Variants in JMJD1C observed in about 807,000 individuals in gnomAD.
The protein encoded by JMJD1C is jumonji domain containing 1C.
JMJD1C carries 31 observed loss-of-function variants against 245.3 expected under a neutral mutation model. The ratio of observed to expected loss-of-function variants is 0.13; its 90% CI spans 0.09 to 0.17. The LOEUF (loss-of-function observed/expected upper bound fraction) is 0.17, where lower values mean the gene tolerates loss of function less well. Ranked by LOEUF, JMJD1C falls within the 10% of genes least tolerant of loss-of-function variation. JMJD1C has a pLI of 1.00. For synonymous variants in JMJD1C, 1,057 were observed against 1,017.4 expected (o/e 1.04, Z -0.74); for missense variants, 2,691 against 3,000.2 (o/e 0.90, Z 2.41).
At chr10:63,268,850 G>A (rs749446238) in intron 2 of JMJD1C, 11 of 985,622 alleles carry the variant, frequency 1.1e-5, no homozygotes, top group Admixed American at 1.2e-4. Context: ...CACTTGCAGC[G>A]GCGTCATTGT....
chr10:63,441,968 G>C (rs552590929), intron 1 of JMJD1C, among the ~76,000 whole-genome samples: 1 of 152,142 alleles, frequency 6.6e-6, no homozygotes, highest in African/African-American at 2.4e-5. Flanking sequence ...AAATATTCAA[G>C]AATATTTATA....
intron 1 of JMJD1C, among the ~76,000 whole-genome samples, chr10:63,450,047 G>A (rs906333773): frequency 1.3e-4 from 19 of 151,992 alleles, no homozygotes; most frequent in African/African-American, 2.9e-4. Context: ...CAGGAGGTCC[G>A]GGCTACAATG....
chr10:63,345,237 A>G (rs989316591), intron 2 of JMJD1C, among the ~76,000 whole-genome samples: 1 of 152,230 alleles, frequency 6.6e-6, no homozygotes, highest in Non-Finnish European at 1.5e-5. Context: ...CTGTAATCCC[A>G]ATACTTTGTG....
intron 2 of JMJD1C, among the ~76,000 whole-genome samples, chr10:63,310,124 A>C (rs1938960320): frequency 6.6e-6 from 1 of 152,198 alleles, no homozygotes; most frequent in South Asian, 2.1e-4. Context: ...TATAGAAAAA[A>C]GCGTAAACCC....
chr10:63,271,179 TTTC>T (rs1308445179), intron 2 of JMJD1C, among the ~76,000 whole-genome samples: 2 of 152,088 alleles, frequency 1.3e-5, no homozygotes, highest in African/African-American at 4.8e-5. Context: ...TTTTTTTTCT[TTTC>T]TTTTTTTTTC....
intron 1 of JMJD1C, among the ~76,000 whole-genome samples, chr10:63,509,619 C>T (rs1395202491): frequency 6.6e-6 from 1 of 152,160 alleles, no homozygotes; most frequent in African/African-American, 2.4e-5. Flanking sequence ...TCTATTTCTT[C>T]TTGTGTGACT....
rs907551192 is a variant in JMJD1C at position 63,205,084 on chromosome 10, T to C, written c.5074+1511A>G. 1.4e-5 allele frequency: 13 copies of C among 897,490 alleles called. No individual in the cohort carries two copies. The Admixed American group carries it at 3.1e-4, about 21-fold the overall frequency. The allele number at this position is 897,490 out of a possible 1,614,324, so 55.6% of individuals were successfully genotyped here. On this transcript the variant is annotated intron_variant, in intron 10 of 25. Transcript: ENST00000399262. ...AAACTACTACTAGAGTAAAATGATA[T>C]AGAAACACTTTATAGTGAATATTAC...
chr10:63,193,253 A>T, intron 15 of JMJD1C, 92 bp downstream of exon 15: 1 of 1,469,142 alleles, frequency 6.8e-7, no homozygotes, highest in Non-Finnish European at 9.3e-7. Flanking sequence ...AACCTAATTC[A>T]TACATAAGTC....
At chr10:63,517,042 C>A (rs1955040325) in intron 1 of JMJD1C, among the ~76,000 whole-genome samples, 1 of 152,172 alleles carries the variant, frequency 6.6e-6, no homozygotes, top group Non-Finnish European at 1.5e-5. Context: ...ATTTTCTAAA[C>A]AACTATGAAA....
At chr10:63,257,226 CAAAAAAAA>C (rs71025139) in intron 3 of JMJD1C, among the ~76,000 whole-genome samples, 2 of 92,654 alleles carry the variant, frequency 2.2e-5, no homozygotes, top group African/African-American at 8.3e-5. Context: ...GACTTCATCT[CAAAAAAAA>C]AAAAAAAAAA....
In JMJD1C at chr10:63,168,044, C is replaced by CT. The variant is rs757858106; in HGVS notation, c.7623dup. ...CCTAAAAATATCAAACTGGATCACA[C>CT]TTAATTTTCTTCCATATCCTCTACT... On this transcript the variant is annotated 3_prime_UTR_variant, in exon 26 of 26. Coordinates refer to ENST00000399262, the MANE Select transcript of JMJD1C (RefSeq NM_032776.3). 6.5e-7 allele frequency: 1 copy of CT among 1,543,580 alleles called. No homozygotes were observed. The highest frequency in any genetic ancestry group is 1.4e-5 in the African/African-American group (1 of 73,676).
chr10:63,198,214 T>A (rs1184451907), intron 12 of JMJD1C, among the ~76,000 whole-genome samples: 1 of 152,246 alleles, frequency 6.6e-6, no homozygotes, highest in Non-Finnish European at 1.5e-5. Flanking sequence ...GGGTAGATTA[T>A]GTCTTTATAA....
chr10:63,504,846 T>C (rs1954668726), intron 1 of JMJD1C, among the ~76,000 whole-genome samples: 1 of 151,964 alleles, frequency 6.6e-6, no homozygotes, highest in Non-Finnish European at 1.5e-5. Flanking sequence ...CAAGACCCTG[T>C]CTCTACAAAA....
chr10:63,392,444 G>C (rs574890995), intron 1 of JMJD1C, among the ~76,000 whole-genome samples: 1 of 152,196 alleles, frequency 6.6e-6, no homozygotes, highest in East Asian at 1.9e-4. Context: ...TTGAATGGAA[G>C]AAAGTATTTG....
chr10:63,411,894 C>T (rs1201471470), intron 1 of JMJD1C, among the ~76,000 whole-genome samples: 1 of 149,502 alleles, frequency 6.7e-6, no homozygotes, highest in Non-Finnish European at 1.5e-5. Context: ...TAAGCCACAG[C>T]GCCTGGCCCA....
intron 3 of JMJD1C, among the ~76,000 whole-genome samples, chr10:63,229,936 T>C (rs979308745): frequency 3.9e-5 from 6 of 152,230 alleles, no homozygotes; most frequent in African/African-American, 9.6e-5. Flanking sequence ...TAGGTTTTTT[T>C]CCTAAAAATT....
chr10:63,424,291 T>G (rs1420145593), intron 1 of JMJD1C, among the ~76,000 whole-genome samples: 1 of 150,868 alleles, frequency 6.6e-6, no homozygotes, highest in African/African-American at 2.4e-5. Context: ...GGTCTTGAAC[T>G]CCTGATCTCA....
chr10:63,285,067 G>A (rs892194308), intron 2 of JMJD1C, among the ~76,000 whole-genome samples: 15 of 152,060 alleles, frequency 9.9e-5, no homozygotes, highest in Non-Finnish European at 2.1e-4. Flanking sequence ...AACTCCTCAC[G>A]GACAGTGACC....
At chr10:63,405,044 C>A (rs1949086629) in intron 1 of JMJD1C, among the ~76,000 whole-genome samples, 1 of 152,158 alleles carries the variant, frequency 6.6e-6, no homozygotes, top group Non-Finnish European at 1.5e-5. Context: ...AAACAGAGTG[C>A]AAGGATAAAT....
Sources: gnomAD v4.1 joint callset for allele counts (sites outside exome capture counted in the v4.1 genomes callset) on GRCh38, gnomAD v4.1.1 for gene constraint, MANE v1.5 for transcripts, NCBI Gene and HGNC (gene_info 2026-07-23, HGNC 2026-07-21) for gene names.